The following ABHD12 variants were observed in gnomAD, a reference collection of about 807,000 sequenced individuals.
ABHD12 encodes the protein abhydrolase domain containing 12, lysophospholipase.
In ABHD12, 43 loss-of-function variants were observed where a neutral mutation model predicts 58.3. That is an observed-to-expected ratio of 0.74 (90% CI 0.58 to 0.95). The LOEUF is 0.95. ABHD12 is among the 40% of genes least tolerant of loss of function. The pLI, the probability that ABHD12 is intolerant of heterozygous loss-of-function variation, is 0.00. For synonymous variants in ABHD12, 219 were observed against 211.2 expected (o/e 1.04, Z -0.32); for missense variants, 539 against 537.2 (o/e 1.00, Z -0.03).
chr20:25,295,152 TCAGGA>T (rs1259576680), intron 12 of ABHD12: 2 of 1,005,134 alleles, frequency 2.0e-6, no homozygotes, highest in Non-Finnish European at 3.2e-6. Context: ...GTTCAGCACA[TCAGGA>T]ACTGCAAGTC....
intron 1 of ABHD12, among the ~76,000 whole-genome samples, chr20:25,385,671 C>G (rs975629305): frequency 1.4e-5 from 2 of 143,354 alleles, no homozygotes; most frequent in Non-Finnish European, 3.0e-5. Context: ...GTGGCAAGAC[C>G]TGCCTGTACC....
intron 1 of ABHD12, among the ~76,000 whole-genome samples, chr20:25,340,905 T>C (rs1382480464): frequency 1.3e-5 from 2 of 152,218 alleles, no homozygotes; most frequent in African/African-American, 4.8e-5. Context: ...TTTACCTTGA[T>C]GTGGCTGTGG....
intron 2 of ABHD12, among the ~76,000 whole-genome samples, chr20:25,332,604 A>G (rs1345058789): frequency 1.4e-4 from 22 of 151,814 alleles, no homozygotes; most frequent in Non-Finnish European, 2.2e-4. Flanking sequence ...ATAATAAACT[A>G]TCTCTCAGAC....
At chr20:25,301,474 G>A (rs1156297992) in intron 12 of ABHD12, among the ~76,000 whole-genome samples, 2 of 152,212 alleles carry the variant, frequency 1.3e-5, no homozygotes, top group Admixed American at 1.3e-4. Context: ...CCCCTCCGTG[G>A]GTCCAGTGCT....
intron 1 of ABHD12, among the ~76,000 whole-genome samples, chr20:25,371,517 C>G (rs948353818): frequency 6.6e-6 from 1 of 152,180 alleles, no homozygotes; most frequent in African/African-American, 2.4e-5. Flanking sequence ...CCTGACACTC[C>G]CCAAAGAACT....
At chr20:25,331,914 C>T (rs2089283471) in intron 2 of ABHD12, among the ~76,000 whole-genome samples, 1 of 151,498 alleles carries the variant, frequency 6.6e-6, no homozygotes, top group Middle Eastern at 3.4e-3. Flanking sequence ...GCAAAATAAC[C>T]AGCTAACATC....
intron 1 of ABHD12, among the ~76,000 whole-genome samples, chr20:25,384,953 A>ATG (rs945996392): frequency 2.6e-5 from 4 of 151,716 alleles, no homozygotes; most frequent in Non-Finnish European, 4.4e-5. Flanking sequence ...AGCACAAAAC[A>ATG]TGTGTGTGTG....
chr20:25,376,318 A>G (rs1221926424), intron 1 of ABHD12, among the ~76,000 whole-genome samples: 1 of 152,194 alleles, frequency 6.6e-6, no homozygotes, highest in Non-Finnish European at 1.5e-5. Flanking sequence ...TTAGGCGGAA[A>G]TCTTAACAAC....
chr20:25,320,150 A>G, intron 4 of ABHD12, 49 bp downstream of exon 4: 1 of 1,609,724 alleles, frequency 6.2e-7, no homozygotes, highest in African/African-American at 1.3e-5. Context: ...TTCCCACCCC[A>G]AAAAGGAGCC....
chr20:25,382,960 G>A (rs542554893), intron 1 of ABHD12, among the ~76,000 whole-genome samples: 5 of 152,274 alleles, frequency 3.3e-5, no homozygotes, highest in African/African-American at 1.2e-4. Context: ...CAGCTATGGC[G>A]CCATAAACAA....
At chr20:25,315,260 C>T (rs528188988) in intron 5 of ABHD12, among the ~76,000 whole-genome samples, 9 of 152,166 alleles carry the variant, frequency 5.9e-5, no homozygotes, top group East Asian at 1.9e-4. Context: ...CAGCTCCACT[C>T]GTGCTGCAGG....
downstream of ABHD12, chr20:25,296,864 C>A: frequency 3.7e-6 from 1 of 272,352 alleles, no homozygotes; most frequent in South Asian, 4.7e-5. Context: ...ATGTATTAGC[C>A]GATGTCTTTA....
At chr20:25,359,224 A>G (rs915685110) in intron 1 of ABHD12, among the ~76,000 whole-genome samples, 3 of 151,228 alleles carry the variant, frequency 2.0e-5, no homozygotes, top group African/African-American at 4.9e-5. Flanking sequence ...GATCGAGACC[A>G]TCCTGGCTAA....
At chr20:25,387,914 G>A (rs1209388407) in intron 1 of ABHD12, among the ~76,000 whole-genome samples, 1 of 151,680 alleles carries the variant, frequency 6.6e-6, no homozygotes, top group Admixed American at 6.6e-5. Flanking sequence ...GGTGACGGGC[G>A]CCTGTAATCC....
chr20:25,300,979 G>T, intron 12 of ABHD12, 95 bp from the exon 13 acceptor site: 1 of 1,345,530 alleles, frequency 7.4e-7, no homozygotes. Context: ...AGCAGAGGCT[G>T]TGCAGAGAGG....
chr20:25,300,523 CCT>C lies in ABHD12; in HGVS notation c.*320_*321del, dbSNP rs58058232. ...CCAAGAGTCCCCTGCCCGGACTCCC[CCT>C]GTCCAGCTCAGTGCAGCATCAAGCA... On this transcript the variant is annotated 3_prime_UTR_variant, in exon 13 of 13. Coordinates refer to ENST00000339157, the MANE Select transcript of ABHD12 (RefSeq NM_001042472.3). The C allele has an allele frequency of 0.055, 73,860 of 1,343,270 alleles. 3,327 individuals carry two copies. Among genetic ancestry groups the C allele is most frequent in the Admixed American group, 0.18 (5,903 of 32,004 alleles). The allele number at this position is 1,343,270 out of a possible 1,614,324, so 83.2% of individuals were successfully genotyped here.
chr20:25,373,014 C>A (rs2089917552), intron 1 of ABHD12, among the ~76,000 whole-genome samples: 2 of 151,934 alleles, frequency 1.3e-5, no homozygotes, highest in Non-Finnish European at 2.9e-5. Flanking sequence ...CATTGTGTCA[C>A]AACTGCCTAC....
At chr20:25,360,227 C>CCTTTTTTTTT (rs2089726518) in intron 1 of ABHD12, among the ~76,000 whole-genome samples, 1 of 37,392 alleles carries the variant, frequency 2.7e-5, no homozygotes, top group Non-Finnish European at 4.7e-5. Flanking sequence ...GAACACGTTA[C>CCTTTTTTTTT]TTTTTTTTTT....
intron 1 of ABHD12, among the ~76,000 whole-genome samples, chr20:25,342,464 T>A (rs570539364): frequency 6.6e-6 from 1 of 152,222 alleles, no homozygotes; most frequent in South Asian, 2.1e-4. Context: ...ATTTTTTTTT[T>A]TTTTTTTTTA....
Sources: allele counts gnomAD v4.1 joint callset (sites outside exome capture counted in the v4.1 genomes callset), GRCh38; gene constraint gnomAD v4.1.1; transcripts MANE v1.5; gene names NCBI Gene and HGNC (gene_info 2026-07-23, HGNC 2026-07-21).